Variants in TENM1 observed in about 807,000 individuals in gnomAD.
TENM1 encodes teneurin-1.
Under a neutral mutation model 174.8 loss-of-function variants are expected in TENM1, and 35 were observed. The ratio of observed to expected loss-of-function variants is 0.20; its 90% CI spans 0.15 to 0.27. TENM1 has a LOEUF of 0.27. Among genes scored for constraint, TENM1 ranks in the 10% least tolerant of loss-of-function variants. The probability of loss-of-function intolerance (pLI) is 1.00; values close to 1 mark genes in which losing one functional copy is unlikely to be tolerated. For synonymous variants in TENM1, 781 were observed against 798.7 expected (o/e 0.98, Z 0.37); for missense variants, 1,633 against 2,130.1 (o/e 0.77, Z 4.59).
At chrX:124,383,194 G>A (rs2060179626) in intron 30 of TENM1, among the ~76,000 whole-genome samples, 1 of 110,529 alleles carries the variant, frequency 9.0e-6, no homozygotes, top group Non-Finnish European at 1.9e-5. Flanking sequence ...TGATCTGCCT[G>A]CCTCAGCCTC....
chrX:124,830,530 GATC>G (rs2056267133), intron 3 of TENM1, among the ~76,000 whole-genome samples: 1 of 111,409 alleles, frequency 9.0e-6, no homozygotes, highest in Admixed American at 9.6e-5. Flanking sequence ...GCCATGTAGT[GATC>G]ATCAACATAA....
chrX:125,181,194 A>T, the TENM1 span, among the ~76,000 whole-genome samples: 6 of 112,028 alleles, frequency 5.4e-5, no homozygotes, highest in African/African-American at 1.9e-4. Flanking sequence ...AGGTATAATT[A>T]TTATTCTCAT....
At chrX:124,727,207 G>T (rs2053460644) in intron 4 of TENM1, among the ~76,000 whole-genome samples, 2 of 112,448 alleles carry the variant, frequency 1.8e-5, no homozygotes, top group African/African-American at 6.5e-5. Context: ...TTTGTGAACT[G>T]AAGTGGTCAT....
chrX:124,611,978 C>A (rs1032137631), intron 11 of TENM1, among the ~76,000 whole-genome samples: 2 of 112,103 alleles, frequency 1.8e-5, no homozygotes, highest in African/African-American at 6.5e-5. Flanking sequence ...TGTACATTTT[C>A]AGCCTTGCTG....
At chrX:124,589,533 A>C (rs1332080259) in intron 11 of TENM1, among the ~76,000 whole-genome samples, 1 of 110,907 alleles carries the variant, frequency 9.0e-6, no homozygotes, top group Non-Finnish European at 1.9e-5. Flanking sequence ...TTTGGCTGTG[A>C]ATCCATCTGT....
At chrX:125,057,497 T>C in the TENM1 span, among the ~76,000 whole-genome samples, 1 of 111,015 alleles carries the variant, frequency 9.0e-6, no homozygotes, top group East Asian at 2.8e-4. Flanking sequence ...AGTAAAGTAG[T>C]TCCAAAAGTT....
upstream of TENM1, among the ~76,000 whole-genome samples, chrX:124,967,503 C>A (rs1163282056): frequency 1.8e-5 from 2 of 111,303 alleles, no homozygotes; most frequent in Admixed American, 9.6e-5. Context: ...AATCTAGCCC[C>A]GAGAGCTTTC....
the TENM1 span, among the ~76,000 whole-genome samples, chrX:125,018,385 A>G: frequency 3.6e-5 from 4 of 111,338 alleles, no homozygotes; most frequent in African/African-American, 1.3e-4. Flanking sequence ...CTCCATTTTT[A>G]TGTTTTTTAT....
At chrX:125,037,570 C>T in the TENM1 span, among the ~76,000 whole-genome samples, 9 of 110,869 alleles carry the variant, frequency 8.1e-5, no homozygotes, top group African/African-American at 2.0e-4. Flanking sequence ...AACTATTTTA[C>T]GGTATAATAG....
chrX:124,408,387 C>T (rs2060487542), intron 25 of TENM1, among the ~76,000 whole-genome samples: 2 of 111,485 alleles, frequency 1.8e-5, no homozygotes, highest in Non-Finnish European at 1.9e-5. Flanking sequence ...ATGTGATTCC[C>T]CCTGCCTCAG....
At chrX:124,855,552 G>A (rs2056800788) in intron 3 of TENM1, among the ~76,000 whole-genome samples, 1 of 111,457 alleles carries the variant, frequency 9.0e-6, no homozygotes, top group Non-Finnish European at 1.9e-5. Flanking sequence ...ATAGAGATGT[G>A]TAACAAGAAA....
At chrX:124,726,471 T>C (rs897099657) in intron 4 of TENM1, among the ~76,000 whole-genome samples, 2 of 112,410 alleles carry the variant, frequency 1.8e-5, no homozygotes, top group African/African-American at 6.5e-5. Flanking sequence ...ACCCATCATG[T>C]GGTGTAGGCT....
intron 1 of TENM1, among the ~76,000 whole-genome samples, chrX:124,957,612 AT>A (rs887113615): frequency 1.0e-4 from 11 of 109,715 alleles, no homozygotes; most frequent in Admixed American, 4.9e-4. Context: ...GGCAGTTTAA[AT>A]TTTTTTCCAC....
At chrX:125,103,900 G>A in the TENM1 span, among the ~76,000 whole-genome samples, 1 of 111,828 alleles carries the variant, frequency 8.9e-6, no homozygotes, top group Non-Finnish European at 1.9e-5. Context: ...TGAGGCAGGA[G>A]AATCACTTGA....
intron 1 of TENM1, among the ~76,000 whole-genome samples, chrX:124,917,049 G>T (rs2057937868): frequency 8.9e-6 from 1 of 111,763 alleles, no homozygotes; most frequent in Non-Finnish European, 1.9e-5. Context: ...GTCCAATCCA[G>T]GTTCATTTTC....
intron 27 of TENM1, among the ~76,000 whole-genome samples, chrX:124,403,347 C>T (rs1304684503): frequency 1.8e-5 from 2 of 108,478 alleles, no homozygotes; most frequent in Non-Finnish European, 3.8e-5. Context: ...GGTGAAATCC[C>T]GTCTCTACTA....
At chrX:125,139,865 G>C in the TENM1 span, among the ~76,000 whole-genome samples, 1,084 of 55,197 alleles carry the variant, frequency 0.02, 8 homozygotes, top group East Asian at 0.047. Context: ...CACGGAGAGA[G>C]AGAGAGAGAG....
chrX:125,025,249 C>T, the TENM1 span, among the ~76,000 whole-genome samples: 8 of 110,517 alleles, frequency 7.2e-5, no homozygotes, highest in South Asian at 3.8e-4. Flanking sequence ...TGTATGTATA[C>T]ATACTATTGT....
the TENM1 span, among the ~76,000 whole-genome samples, chrX:125,120,484 G>A: frequency 7.9e-3 from 845 of 107,169 alleles, 14 homozygotes; most frequent in African/African-American, 0.027. Flanking sequence ...CCCCCCACAC[G>A]GCCCCAGTAA....
Sources: allele counts gnomAD v4.1 joint callset (sites outside exome capture counted in the v4.1 genomes callset), GRCh38; gene constraint gnomAD v4.1.1; transcripts MANE v1.5; gene names NCBI Gene and HGNC (gene_info 2026-07-23, HGNC 2026-07-21).